DOK7: variants seen among roughly 807,000 people sequenced by gnomAD.
DOK7 encodes the protein protein Dok-7.
A neutral mutation model predicts 30.7 loss-of-function variants in DOK7; 32 were observed. The observed-to-expected ratio is 1.04, with a 90% CI of 0.79 to 1.40. DOK7 has a LOEUF of 1.40. Ranked by LOEUF, DOK7 falls within the 40% of genes most tolerant of loss-of-function variation. The probability of loss-of-function intolerance (pLI) is 0.00; values close to 1 mark genes in which losing one functional copy is unlikely to be tolerated. For missense variants in DOK7, 1,007 were observed against 699.2 expected (o/e 1.44, Z -4.97); for synonymous variants, 447 against 324.1 (o/e 1.38, Z -4.07).
In DOK7 at chr4:3,494,104, C is replaced by G. The variant is rs950362637; in HGVS notation, c.*603C>G. The G allele has an allele frequency of 3.0e-6, 3 of 985,978 alleles. No homozygotes were observed. In the South Asian group the frequency reaches 1.4e-4, roughly 46 times the overall value. The allele number at this position is 985,978 out of a possible 1,614,324, so 61.1% of individuals were successfully genotyped here. On this transcript the variant is annotated 3_prime_UTR_variant, in exon 7 of 7. Transcript: ENST00000340083. ...CTGGGTTCTGGGCCCCACTGTTCCCCAGTGAAGCCCTTGTGGGAAGGTTCC... is the reference window on the plus strand; with the variant it reads ...CTGGGTTCTGGGCCCCACTGTTCCCGAGTGAAGCCCTTGTGGGAAGGTTCC...
chr4:3,498,841 G>A (rs1449601827), downstream of DOK7, among the ~76,000 whole-genome samples: 1 of 152,238 alleles, frequency 6.6e-6, no homozygotes, highest in Non-Finnish European at 1.5e-5. Flanking sequence ...CAGGGCCTCA[G>A]GGCCAGGCAG....
intron 4 of DOK7, chr4:3,484,426 C>T (rs1317268489): frequency 1.2e-5 from 11 of 923,336 alleles, no homozygotes; most frequent in African/African-American, 1.8e-5. Flanking sequence ...CCCACCCCGG[C>T]GCCTTCCCTC....
At chr4:3,483,786 C>T (rs955813434) in intron 4 of DOK7, among the ~76,000 whole-genome samples, 3 of 152,182 alleles carry the variant, frequency 2.0e-5, no homozygotes, top group East Asian at 1.9e-4. Context: ...GGGTGGACCA[C>T]GGGGACAGGG....
At position 3,492,969 on chromosome 4, in the gene DOK7, A is replaced by G. The variant is rs752168445; in HGVS notation, c.983A>G (p.Gln328Arg). ...AAGCCGCTGCGTCCGCGGCAGCTGCAGGAGGTTGGCCGCCAGAGCTCCTCG... is the reference window on the plus strand; with the variant it reads ...AAGCCGCTGCGTCCGCGGCAGCTGCGGGAGGTTGGCCGCCAGAGCTCCTCG... ...PPKPLRPRQL[Q>R]EVGRQSSSDS... is the part of the protein sequence containing the mutation. The change falls in exon 7 of 7, where the codon CAG becomes CGG. Residue 328 changes from glutamine to arginine, a missense_variant. Transcript: ENST00000340083. 3.9e-6 allele frequency: 6 copies of G among 1,553,524 alleles called. No individual in the cohort carries two copies. Among genetic ancestry groups the G allele is most frequent in the East Asian group, 2.4e-5 (1 of 41,732 alleles).
chr4:3,489,619 G>A, intron 5 of DOK7, 58 bp from the exon 6 acceptor site: 1 of 1,553,158 alleles, frequency 6.4e-7, no homozygotes, highest in Non-Finnish European at 8.7e-7. Flanking sequence ...CCTGGTGCCT[G>A]CGGGCGAGGG....
At chr4:3,478,337 A>T (rs2076392827) in intron 4 of DOK7, among the ~76,000 whole-genome samples, 1 of 152,150 alleles carries the variant, frequency 6.6e-6, no homozygotes, top group African/African-American at 2.4e-5. Flanking sequence ...GCTGGTAAAC[A>T]ATCCCACACC....
At chr4:3,484,783 C>T (rs1727657593) in intron 4 of DOK7, 2 of 985,410 alleles carry the variant, frequency 2.0e-6, no homozygotes, top group Non-Finnish European at 2.4e-6. Context: ...TGAAAGATGA[C>T]CGAGGAGGTG....
rs563904413 is a variant in DOK7, at chr4:3,468,349, C to G, written c.100+4798C>G. ...GTGCGAGTGTGTGTGAGCTCAAATG[C>G]TTGTCTGTGTGCGTGTGTCTGTGTG... On this transcript the variant is annotated intron_variant, in intron 2 of 6. Transcript: ENST00000340083. Among the ~76,000 whole-genome samples the G allele has an allele frequency of 7.9e-5, 12 of 151,016 alleles. No homozygotes were observed. In the East Asian group the frequency reaches 2.4e-3, roughly 30 times the overall value.
At chr4:3,478,289 G>T (rs548553118) in intron 4 of DOK7, among the ~76,000 whole-genome samples, 2 of 152,332 alleles carry the variant, frequency 1.3e-5, no homozygotes, top group Admixed American at 6.5e-5. Flanking sequence ...GGCCGTGGAG[G>T]TTCACATCCC....
downstream of DOK7, among the ~76,000 whole-genome samples, chr4:3,496,333 C>A (rs1391542217): frequency 1.3e-5 from 2 of 152,248 alleles, no homozygotes; most frequent in African/African-American, 2.4e-5. Context: ...GGGGCACCCC[C>A]CTGCGGAGCC....
At chr4:3,491,910 G>A (rs1728489954) in intron 6 of DOK7, among the ~76,000 whole-genome samples, 2 of 152,240 alleles carry the variant, frequency 1.3e-5, no homozygotes, top group Non-Finnish European at 2.9e-5. Context: ...AAGTGCAGGA[G>A]CCGTGCTGGT....
At chr4:3,490,303 C>G (rs1354212477) in intron 6 of DOK7, among the ~76,000 whole-genome samples, 1 of 62,174 alleles carries the variant, frequency 1.6e-5, no homozygotes, top group Non-Finnish European at 3.9e-5. Context: ...TCTTCCTCCG[C>G]CCCCCCGGCT....
At chr4:3,491,459 T>C (rs1197342776) in intron 6 of DOK7, among the ~76,000 whole-genome samples, 2 of 150,920 alleles carry the variant, frequency 1.3e-5, no homozygotes. Flanking sequence ...CTCTCCCTAC[T>C]CAATTTCTCT....
chr4:3,483,062 G>A (rs1727528969), intron 4 of DOK7, among the ~76,000 whole-genome samples: 1 of 149,890 alleles, frequency 6.7e-6, no homozygotes, highest in African/African-American at 2.5e-5. Context: ...AGGTGGCCAG[G>A]GGTGTGGAGG....
intron 2 of DOK7, among the ~76,000 whole-genome samples, chr4:3,469,137 G>A (rs73195121): frequency 0.15 from 22,483 of 150,422 alleles, 1,970 homozygotes; most frequent in South Asian, 0.34. Flanking sequence ...GTGTGTGTGC[G>A]TGTATGTGTC....
chr4:3,499,942 T>G (rs1577193405), intron 6 of DOK7, among the ~76,000 whole-genome samples: 1 of 139,082 alleles, frequency 7.2e-6, no homozygotes, highest in Non-Finnish European at 1.6e-5. Context: ...GACAGAAGAG[T>G]GGGCCTTGGG....
In DOK7 at chr4:3,473,646, GGGGGCC is replaced by G. The variant is rs745546967; in HGVS notation, c.331+20_331+25del. ...TATGCGCTCGGCGAGGGTGAGTGAC[GGGGGCC>G]GGGGCCGGGCGGGGGCTCCCCGTTC... On this transcript the variant is annotated intron_variant, in intron 3 of 6. Coordinates refer to ENST00000340083, the MANE Select transcript of DOK7 (RefSeq NM_173660.5). 19 of 1,542,694 alleles carry G rather than the reference GGGGGCC, an allele frequency of 1.2e-5. No individual in the cohort carries two copies. The highest frequency in any genetic ancestry group is 2.3e-4 in the Middle Eastern group (1 of 4,330).
rs1321750330 is a variant in DOK7 at position 3,473,454 on chromosome 4, G to A, written c.149G>A (p.Gly50Asp). Residue 50 changes from glycine to aspartate, a missense_variant, in exon 3 of 7, where the codon GGC (glycine) becomes GAC (aspartate). By Grantham distance (94) the Gly-to-Asp change is moderately conservative. Coordinates refer to ENST00000340083, the MANE Select transcript of DOK7 (RefSeq NM_173660.5). Reference protein sequence around the residue: ...VYKDKSERIKGLRERSSLTLE... With the variant: ...VYKDKSERIKDLRERSSLTLE... ...AAGGACAAGTCGGAGCGTATCAAGG[G>A]CCTGCGGGAGCGCAGCAGCCTGACG... The A allele has an allele frequency of 6.2e-7, 1 of 1,611,068 alleles. No homozygotes were observed. The highest frequency in any genetic ancestry group is 8.5e-7 in the Non-Finnish European group (1 of 1,179,768).
chr4:3,468,174 A>G (rs1726428776), intron 2 of DOK7, among the ~76,000 whole-genome samples: 1 of 143,750 alleles, frequency 7.0e-6, no homozygotes, highest in African/African-American at 2.8e-5. Flanking sequence ...GCATGTGAAT[A>G]CCTGTGTGTG....
Sources: gnomAD v4.1 joint callset for allele counts (sites outside exome capture counted in the v4.1 genomes callset) on GRCh38, gnomAD v4.1.1 for gene constraint, MANE v1.5 for transcripts, NCBI Gene and HGNC (gene_info 2026-07-23, HGNC 2026-07-21) for gene names.